The following NANP variants were observed in gnomAD, a reference collection of about 807,000 sequenced individuals.
NANP encodes the protein N-acylneuraminate-9-phosphatase.
Under a neutral mutation model 16.9 loss-of-function variants are expected in NANP, and 15 were observed. The observed-to-expected ratio is 0.89, with a 90% CI of 0.59 to 1.37. The LOEUF is 1.37. Among genes scored for constraint, NANP ranks in the 40% most tolerant of loss-of-function variants. The pLI, the probability that NANP is intolerant of heterozygous loss-of-function variation, is 0.00. For missense variants in NANP, 290 were observed against 303.5 expected, an observed-to-expected ratio of 0.96 and a Z score of 0.33; for synonymous variants, 135 against 112.6, an observed-to-expected ratio of 1.20 and a Z score of -1.26.
intron 1 of NANP, 136 bp downstream of exon 1, chr20:25,623,723 C>T: frequency 1.2e-6 from 1 of 831,092 alleles, no homozygotes; most frequent in Non-Finnish European, 1.8e-6. Flanking sequence ...TCCGCACCCG[C>T]ACGCTCCACA....
intron 1 of NANP, among the ~76,000 whole-genome samples, chr20:25,623,634 C>A (rs1015097867): frequency 6.6e-6 from 1 of 152,320 alleles, no homozygotes; most frequent in African/African-American, 2.4e-5. Context: ...AGCAGCCGCT[C>A]CAGGGCTCGA....
At chr20:25,622,895 A>AG (rs1367984902) in intron 1 of NANP, among the ~76,000 whole-genome samples, 1 of 152,238 alleles carries the variant, frequency 6.6e-6, no homozygotes, top group Non-Finnish European at 1.5e-5. Context: ...CATCTACAGC[A>AG]GGAAGAATAG....
intron 1 of NANP, among the ~76,000 whole-genome samples, chr20:25,618,064 G>A (rs1412939104): frequency 6.6e-6 from 1 of 152,152 alleles, no homozygotes; most frequent in Non-Finnish European, 1.5e-5. Flanking sequence ...TCTGGGATCT[G>A]CATCCATACC....
intron 1 of NANP, among the ~76,000 whole-genome samples, chr20:25,623,582 G>C (rs900542826): frequency 6.6e-6 from 1 of 152,156 alleles, no homozygotes; most frequent in African/African-American, 2.4e-5. Context: ...CGTGGCAGCC[G>C]TCACGGAGCC....
chr20:25,616,990 C>T (rs958073478), intron 1 of NANP, among the ~76,000 whole-genome samples: 11 of 152,114 alleles, frequency 7.2e-5, no homozygotes, highest in Admixed American at 5.2e-4. Flanking sequence ...AGTTCAGGAC[C>T]AGCATGAGCA....
chr20:25,617,450 G>C (rs2065347791), intron 1 of NANP, among the ~76,000 whole-genome samples: 1 of 152,120 alleles, frequency 6.6e-6, no homozygotes, highest in Non-Finnish European at 1.5e-5. Context: ...GACCTCAAGT[G>C]ATCTGCCTGC....
chr20:25,623,777 G>T, intron 1 of NANP, 82 bp downstream of exon 1: 1 of 1,311,922 alleles, frequency 7.6e-7, no homozygotes, highest in Non-Finnish European at 1.1e-6. Flanking sequence ...GGGTGGAAGT[G>T]GGGTCAAGGG....
In NANP at chr20:25,615,464, T is replaced by G. The variant is rs1489091758; in HGVS notation, c.*461A>C. 2.0e-5 allele frequency: 3 copies of G among 153,682 alleles called. No individual in the cohort carries two copies. Among genetic ancestry groups the G allele is most frequent in the Non-Finnish European group, 4.3e-5 (3 of 69,094 alleles). 9.5% of individuals were successfully genotyped at this position (153,682 alleles called of 1,614,324 possible). A position where few individuals can be genotyped will look rare whatever the true frequency, so the allele number is the denominator to read the frequency against. On this transcript the variant is annotated 3_prime_UTR_variant, in exon 2 of 2. Coordinates refer to ENST00000304788, the MANE Select transcript of NANP (RefSeq NM_152667.3). ...ATTTGCATGTGACTTAGTACTTATT[T>G]CATATTAACCAGATTCACTTGCTTT...
rs1190820386 is a variant in NANP, at chr20:25,623,870, C to T, written c.79G>A (p.Gly27Ser). 1.2e-6 allele frequency: 2 copies of T among 1,613,538 alleles called. No homozygotes were observed. ...GGTGGGGACGTTACCTCCAACATGC[C>T]TCTCCTGCTCGCCCCGGCCGTGTCG... ...LIDTAGASRR[G>S]MLEVIKLLQS... Residue 27 changes from glycine (G) to serine (S), a missense_variant, in exon 1 of 2, where the codon GGC becomes AGC. Physicochemically the swap from Gly to Ser is moderately conservative, Grantham distance 56 (BLOSUM62 0). Transcript: ENST00000304788.
intron 1 of NANP, among the ~76,000 whole-genome samples, chr20:25,618,821 C>T (rs2065353658): frequency 2.0e-5 from 3 of 152,060 alleles, no homozygotes; most frequent in African/African-American, 4.8e-5. Flanking sequence ...TGCTCTAACC[C>T]GTATTGGACT....
chr20:25,617,490 C>T (rs975759372), intron 1 of NANP, among the ~76,000 whole-genome samples: 6 of 151,868 alleles, frequency 4.0e-5, no homozygotes, highest in African/African-American at 1.5e-4. Flanking sequence ...GGATTACAGG[C>T]GTGAACCACT....
rs1219362632 is a variant in NANP, at chr20:25,615,105, A to C, written c.*820T>G. 2 of 152,478 alleles carry C rather than the reference A, an allele frequency of 1.3e-5. No individual in the cohort carries two copies. The highest frequency in any genetic ancestry group is 2.4e-5 in the African/African-American group (1 of 41,448). 9.4% of individuals were successfully genotyped at this position (152,478 alleles called of 1,614,324 possible). On this transcript the variant is annotated 3_prime_UTR_variant, in exon 2 of 2. Coordinates refer to ENST00000304788, the MANE Select transcript of NANP (RefSeq NM_152667.3). Reference sequence around the variant, plus strand: ...ACGTGCCTTGCAATTATCTCTAGCAAAACAGCCTAGCTCCCTCAACCCCAC... The same window carrying C: ...ACGTGCCTTGCAATTATCTCTAGCACAACAGCCTAGCTCCCTCAACCCCAC...
rs1401877230 is a variant in NANP at position 25,614,640 on chromosome 20, C to T, written c.*1285G>A. On this transcript the variant is annotated 3_prime_UTR_variant, in exon 2 of 2. Coordinates refer to ENST00000304788, the MANE Select transcript of NANP (RefSeq NM_152667.3). ...CAGATGGTAACTCTAAGAAGAGTCACACGAGTATTAAATTGGCCCTCAGGA... is the reference window on the plus strand; with the variant it reads ...CAGATGGTAACTCTAAGAAGAGTCATACGAGTATTAAATTGGCCCTCAGGA... 6.6e-6 allele frequency: 1 copy of T among 152,138 alleles called. No individual in the cohort carries two copies. The highest frequency in any genetic ancestry group is 6.5e-5 in the Admixed American group (1 of 15,274). The allele number at this position is 152,138 out of a possible 1,614,324, so 9.4% of individuals were successfully genotyped here.
rs939793051 is a variant in NANP, at chr20:25,615,664, A to G, written c.*261T>C. 3 of 371,462 alleles carry G rather than the reference A, an allele frequency of 8.1e-6. No individual in the cohort carries two copies. The highest frequency in any genetic ancestry group is 1.4e-5 in the Non-Finnish European group (3 of 208,972). The allele number at this position is 371,462 out of a possible 1,614,324, so 23.0% of individuals were successfully genotyped here. A position where few individuals can be genotyped will look rare whatever the true frequency, so the allele number is the denominator to read the frequency against. ...AAGCTCCAGATACAGACTAACAAATAATATATTTCCTTAAATTTTCTGGGC... is the reference window on the plus strand; with the variant it reads ...AAGCTCCAGATACAGACTAACAAATGATATATTTCCTTAAATTTTCTGGGC... On this transcript the variant is annotated 3_prime_UTR_variant, in exon 2 of 2. Coordinates refer to ENST00000304788, the MANE Select transcript of NANP (RefSeq NM_152667.3).
At chr20:25,620,471 A>G (rs1246422794) in intron 1 of NANP, among the ~76,000 whole-genome samples, 1 of 152,236 alleles carries the variant, frequency 6.6e-6, no homozygotes, top group Non-Finnish European at 1.5e-5. Context: ...TCTGCTCCCT[A>G]GACCCAGAAC....
intron 1 of NANP, among the ~76,000 whole-genome samples, chr20:25,620,743 T>C (rs2122208942): frequency 6.6e-6 from 1 of 152,278 alleles, no homozygotes; most frequent in Middle Eastern, 3.4e-3. Flanking sequence ...CAGAGATTCA[T>C]TCCTTATTTA....
At chr20:25,619,995 T>G (rs1331175519) in intron 1 of NANP, among the ~76,000 whole-genome samples, 4 of 152,206 alleles carry the variant, frequency 2.6e-5, no homozygotes, top group Non-Finnish European at 5.9e-5. Context: ...TCCTATTCTA[T>G]CCCTTCAATT....
chr20:25,620,746 C>T (rs1010083979), intron 1 of NANP, among the ~76,000 whole-genome samples: 10 of 151,958 alleles, frequency 6.6e-5, no homozygotes, highest in Non-Finnish European at 1.3e-4. Context: ...AGATTCATTC[C>T]TTATTTATGA....
chr20:25,613,455 G>A lies in NANP; in HGVS notation c.*2470C>T, dbSNP rs933684262. 2 of 166,854 alleles carry A rather than the reference G, an allele frequency of 1.2e-5. No individual in the cohort carries two copies. The highest frequency in any genetic ancestry group is 2.4e-5 in the African/African-American group (1 of 42,098). The allele number at this position is 166,854 out of a possible 1,614,324, so 10.3% of individuals were successfully genotyped here. ...TGTTCTAGGCCCACCTCTGTAAGCAGTGTTAGGGAGGGCCTCTGGCTTTGT... is the reference window on the plus strand; with the variant it reads ...TGTTCTAGGCCCACCTCTGTAAGCAATGTTAGGGAGGGCCTCTGGCTTTGT... On this transcript the variant is annotated 3_prime_UTR_variant, in exon 2 of 2. Coordinates refer to ENST00000304788, the MANE Select transcript of NANP (RefSeq NM_152667.3).
Sources: allele counts gnomAD v4.1 joint callset (sites outside exome capture counted in the v4.1 genomes callset), GRCh38; gene constraint gnomAD v4.1.1; transcripts MANE v1.5; gene names NCBI Gene and HGNC (gene_info 2026-07-23, HGNC 2026-07-21).